The following MAGI2 variants were observed in gnomAD, a reference collection of about 807,000 sequenced individuals.
MAGI2 encodes the protein membrane-associated guanylate kinase, WW and PDZ domain-containing protein 2.
In MAGI2, 35 loss-of-function variants were observed where a neutral mutation model predicts 133.3. The ratio of observed to expected loss-of-function variants is 0.26; its 90% CI spans 0.20 to 0.35. MAGI2 has a LOEUF of 0.35. Among genes scored for constraint, MAGI2 ranks in the 10% least tolerant of loss-of-function variants. The probability of loss-of-function intolerance (pLI) is 1.00; values close to 1 mark genes in which losing one functional copy is unlikely to be tolerated. For missense variants in MAGI2, 1,636 were observed against 1,863.4 expected (o/e 0.88, Z 2.25); for synonymous variants, 729 against 710.6 (o/e 1.03, Z -0.41).
At chr7:78,287,775 GTT>G (rs1188582401) in intron 9 of MAGI2, among the ~76,000 whole-genome samples, 2 of 152,100 alleles carry the variant, frequency 1.3e-5, no homozygotes, top group African/African-American at 4.8e-5. Context: ...ATTTAAAAGT[GTT>G]TTTCTTTTTT....
chr7:78,995,178 A>G (rs1584614451), intron 2 of MAGI2, among the ~76,000 whole-genome samples: 1 of 152,090 alleles, frequency 6.6e-6, no homozygotes, highest in African/African-American at 2.4e-5. Flanking sequence ...ATGAAAAAAA[A>G]AATCACAAAA....
chr7:78,550,560 C>T (rs565482047), intron 3 of MAGI2, among the ~76,000 whole-genome samples: 1 of 152,278 alleles, frequency 6.6e-6, no homozygotes, highest in African/African-American at 2.4e-5. Context: ...ACTGTTAATA[C>T]CTGGACCTTG....
chr7:78,512,873 G>A (rs1034149089), intron 4 of MAGI2, among the ~76,000 whole-genome samples: 11 of 152,108 alleles, frequency 7.2e-5, no homozygotes, highest in African/African-American at 2.2e-4. Context: ...GTGGGTAGAA[G>A]GTGACAAGGA....
At chr7:78,428,430 T>C (rs923112747) in intron 6 of MAGI2, among the ~76,000 whole-genome samples, 1 of 152,230 alleles carries the variant, frequency 6.6e-6, no homozygotes, top group Admixed American at 6.5e-5. Context: ...TTGACCTTAT[T>C]ATTAGCTATC....
chr7:79,031,243 C>T (rs1273098951), intron 1 of MAGI2, among the ~76,000 whole-genome samples: 1 of 152,150 alleles, frequency 6.6e-6, no homozygotes, highest in Non-Finnish European at 1.5e-5. Context: ...CATTCTTGTA[C>T]TCATTTACAT....
intron 1 of MAGI2, among the ~76,000 whole-genome samples, chr7:79,301,767 T>A (rs1837413452): frequency 6.6e-6 from 1 of 152,210 alleles, no homozygotes. Context: ...CCTGTTCAAA[T>A]CTCATGTTGA....
At chr7:78,689,080 C>A (rs1816683726) in intron 2 of MAGI2, among the ~76,000 whole-genome samples, 1 of 152,138 alleles carries the variant, frequency 6.6e-6, no homozygotes, top group Non-Finnish European at 1.5e-5. Context: ...AGCCAATATT[C>A]TTTCGCTTTG....
chr7:79,024,680 C>T (rs1411525613), intron 1 of MAGI2, among the ~76,000 whole-genome samples: 1 of 151,890 alleles, frequency 6.6e-6, no homozygotes, highest in Non-Finnish European at 1.5e-5. Context: ...AACAACCCCA[C>T]TAATGAGGGG....
intron 10 of MAGI2, among the ~76,000 whole-genome samples, chr7:78,214,771 C>T (rs1788101556): frequency 6.6e-6 from 1 of 152,148 alleles, no homozygotes; most frequent in Admixed American, 6.6e-5. Flanking sequence ...CAGAGGATTA[C>T]CCCTGCAATG....
chr7:78,191,627 T>C (rs1021401344), intron 12 of MAGI2, among the ~76,000 whole-genome samples: 1 of 152,234 alleles, frequency 6.6e-6, no homozygotes, highest in African/African-American at 2.4e-5. Flanking sequence ...CTGAGCCTAA[T>C]GCTCTGAAAT....
chr7:78,411,519 G>A (rs563485338), intron 6 of MAGI2, among the ~76,000 whole-genome samples: 1 of 151,990 alleles, frequency 6.6e-6, no homozygotes, highest in Non-Finnish European at 1.5e-5. Context: ...CTGGCAGACT[G>A]ACCAACTAGA....
intron 2 of MAGI2, among the ~76,000 whole-genome samples, chr7:78,845,956 A>T (rs767363591): frequency 2.6e-5 from 4 of 151,942 alleles, no homozygotes; most frequent in Admixed American, 6.6e-5. Flanking sequence ...TGTGGCAAAG[A>T]TACTTCTGGA....
chr7:78,857,152 A>G (rs547725887), intron 2 of MAGI2, among the ~76,000 whole-genome samples: 1 of 152,164 alleles, frequency 6.6e-6, no homozygotes, highest in Admixed American at 6.5e-5. Flanking sequence ...GAGATTTTGG[A>G]CTGAGACAAT....
chr7:78,543,165 C>A (rs1798550288), intron 3 of MAGI2, among the ~76,000 whole-genome samples: 1 of 152,174 alleles, frequency 6.6e-6, no homozygotes, highest in African/African-American at 2.4e-5. Context: ...AGGACAAAAG[C>A]TTCATTCAAC....
intron 6 of MAGI2, among the ~76,000 whole-genome samples, chr7:78,425,788 G>A (rs1256373459): frequency 6.6e-6 from 1 of 152,168 alleles, no homozygotes; most frequent in Non-Finnish European, 1.5e-5. Context: ...AAAGTAAGAG[G>A]CATATCATTG....
chr7:78,179,641 C>T (rs553562088), intron 13 of MAGI2, among the ~76,000 whole-genome samples: 1 of 152,330 alleles, frequency 6.6e-6, no homozygotes, highest in Admixed American at 6.5e-5. Flanking sequence ...ACCAAATGCA[C>T]ACATGACCAA....
intron 6 of MAGI2, chr7:78,456,844 A>G (rs1001862238): frequency 1.2e-4 from 19 of 152,208 alleles, no homozygotes; most frequent in African/African-American, 4.6e-4. Flanking sequence ...CCATAGTTAA[A>G]TACTAGGATG....
At chr7:79,295,340 G>A (rs1256267951) in intron 1 of MAGI2, among the ~76,000 whole-genome samples, 1 of 151,896 alleles carries the variant, frequency 6.6e-6, no homozygotes, top group East Asian at 1.9e-4. Context: ...AATACATTAT[G>A]GTACTTAAGT....
intron 2 of MAGI2, among the ~76,000 whole-genome samples, chr7:78,696,462 A>G (rs1585115453): frequency 1.3e-5 from 2 of 152,264 alleles, no homozygotes; most frequent in East Asian, 1.9e-4. Context: ...CTATTACTTC[A>G]TATACCTAGA....
Sources: gnomAD v4.1 joint callset for allele counts (sites outside exome capture counted in the v4.1 genomes callset) on GRCh38, gnomAD v4.1.1 for gene constraint, MANE v1.5 for transcripts, NCBI Gene and HGNC (gene_info 2026-07-23, HGNC 2026-07-21) for gene names.